Variants in MRPL30 observed in about 807,000 individuals in gnomAD.
The protein encoded by MRPL30 is mitochondrial ribosomal protein L30.
MRPL30 carries 10 observed loss-of-function variants against 17.2 expected under a neutral mutation model. The ratio of observed to expected loss-of-function variants is 0.58; its 90% confidence interval spans 0.36 to 0.99. The LOEUF is 0.99. MRPL30 is among the 50% of genes least tolerant of loss of function. MRPL30 has a pLI of 0.01. For synonymous variants in MRPL30, 61 were observed against 62.1 expected (o/e 0.98, Z 0.08); for missense variants, 170 against 189.8 (o/e 0.90, Z 0.61).
At chr2:99,186,313 C>T in intron 2 of MRPL30, 59 bp downstream of exon 2, 1 of 1,445,188 alleles carries the variant, frequency 6.9e-7, no homozygotes, top group South Asian at 1.2e-5. Flanking sequence ...TTTTTTTAAT[C>T]ATTACAAGGC....
intron 2 of MRPL30, chr2:99,187,035 A>G (rs1429674471): frequency 1.3e-5 from 2 of 152,172 alleles, no homozygotes; most frequent in African/African-American, 2.4e-5. Flanking sequence ...GGCTTTGTAT[A>G]TATTACCTTA....
chr2:99,191,354 G>T (rs1008088301), intron 3 of MRPL30, among the ~76,000 whole-genome samples: 1 of 152,106 alleles, frequency 6.6e-6, no homozygotes, highest in Non-Finnish European at 1.5e-5. Flanking sequence ...TTCTCAACTG[G>T]TTTCTAGACA....
At position 99,197,882 on chromosome 2, in the gene MRPL30, G is replaced by A. The variant is rs960996853; in HGVS notation, c.*2177G>A. 1.3e-5 allele frequency among the ~76,000 whole-genome samples: 2 copies of A among 152,110 alleles called. No homozygotes were observed. The highest frequency in any genetic ancestry group is 4.8e-5 in the African/African-American group (2 of 41,422). On this transcript the variant is annotated 3_prime_UTR_variant, in exon 6 of 6. Transcript: ENST00000338148. ...TGATCTGGAGCTTCTAATCTCAAAT[G>A]ATTCTCCTGCCTCAGCCTCCCAAAG...
intron 3 of MRPL30, among the ~76,000 whole-genome samples, chr2:99,191,583 C>G (rs2093946127): frequency 6.6e-6 from 1 of 152,138 alleles, no homozygotes; most frequent in African/African-American, 2.4e-5. Context: ...TATATTACTG[C>G]CCAGAGTTCC....
chr2:99,184,866 G>A (rs574631148), intron 1 of MRPL30, among the ~76,000 whole-genome samples: 31 of 152,304 alleles, frequency 2.0e-4, no homozygotes, highest in African/African-American at 6.5e-4. Context: ...CACATCACAG[G>A]AAAGACTTGC....
intron 3 of MRPL30, among the ~76,000 whole-genome samples, chr2:99,191,210 C>T (rs940505860): frequency 2.2e-4 from 33 of 151,944 alleles, no homozygotes; most frequent in Non-Finnish European, 8.8e-5. Flanking sequence ...TTTCACCATG[C>T]TGGCCAGGAT....
rs1364097049 is a variant in MRPL30, at chr2:99,197,465, A to G, written c.*1760A>G. On this transcript the variant is annotated 3_prime_UTR_variant, in exon 6 of 6. Coordinates refer to ENST00000338148, the MANE Select transcript of MRPL30 (RefSeq NM_145212.4). Reference sequence around the variant, plus strand: ...AGTTTTAATTCCATAGTTATTGAATATCCAGTGTGTGTAAGGCCTGGAGGG... The same window carrying G: ...AGTTTTAATTCCATAGTTATTGAATGTCCAGTGTGTGTAAGGCCTGGAGGG... 1 of 152,236 alleles carries G rather than the reference A, an allele frequency of 6.6e-6. No homozygotes were observed. The highest frequency in any genetic ancestry group is 1.5e-5 in the Non-Finnish European group (1 of 68,046). 9.4% of individuals were successfully genotyped at this position (152,236 alleles called of 1,614,324 possible).
chr2:99,195,007 T>C, intron 4 of MRPL30, 109 bp from the exon 5 acceptor site: 1 of 1,357,906 alleles, frequency 7.4e-7, no homozygotes, highest in Middle Eastern at 1.9e-4. Context: ...CTTAGGGTAA[T>C]TTATTTATAA....
chr2:99,198,142 G>A lies in MRPL30; in HGVS notation c.*2437G>A, dbSNP rs752431523. Among the ~76,000 whole-genome samples the A allele has an allele frequency of 2.6e-5, 4 of 152,182 alleles. No individual in the cohort carries two copies. The highest frequency in any genetic ancestry group is 4.4e-5 in the Non-Finnish European group (3 of 68,030). ...GTCTTTAGTGAAAATATGGGCATAGGCCAGCAGCATTAGCTTTCTATTGCT... is the reference window on the plus strand; with the variant it reads ...GTCTTTAGTGAAAATATGGGCATAGACCAGCAGCATTAGCTTTCTATTGCT... On this transcript the variant is annotated 3_prime_UTR_variant, in exon 6 of 6. Transcript: ENST00000338148.
intron 3 of MRPL30, among the ~76,000 whole-genome samples, chr2:99,192,306 A>G (rs1173434813): frequency 6.6e-6 from 1 of 152,104 alleles, no homozygotes; most frequent in African/African-American, 2.4e-5. Context: ...TCCGGTATAC[A>G]CGTGCAGATT....
At chr2:99,186,094 T>C in intron 1 of MRPL30, 83 bp from the exon 2 acceptor site, 1 of 832,914 alleles carries the variant, frequency 1.2e-6, no homozygotes, top group Non-Finnish European at 2.0e-6. Flanking sequence ...ATTTGCTGCT[T>C]AGTTTTTTAA....
rs1240336453 is a variant in MRPL30 at position 99,198,167 on chromosome 2, T to G, written c.*2462T>G. Reference sequence around the variant, plus strand: ...GCCAGCAGCATTAGCTTTCTATTGCTGCAGAACAAATTACCACAAACTTAG... The same window carrying G: ...GCCAGCAGCATTAGCTTTCTATTGCGGCAGAACAAATTACCACAAACTTAG... On this transcript the variant is annotated 3_prime_UTR_variant, in exon 6 of 6. Coordinates refer to ENST00000338148, the MANE Select transcript of MRPL30 (RefSeq NM_145212.4). Among the ~76,000 whole-genome samples, 1 of 152,248 alleles carries G rather than the reference T, an allele frequency of 6.6e-6. No homozygotes were observed. The highest frequency in any genetic ancestry group is 1.5e-5 in the Non-Finnish European group (1 of 68,040).
chr2:99,187,580 C>T (rs576834570), intron 2 of MRPL30, among the ~76,000 whole-genome samples: 10 of 152,248 alleles, frequency 6.6e-5, no homozygotes, highest in African/African-American at 2.4e-5. Context: ...AATCCCAGCA[C>T]GTTGGGAGGC....
intron 3 of MRPL30, among the ~76,000 whole-genome samples, chr2:99,191,315 G>A (rs907829360): frequency 2.4e-4 from 36 of 152,136 alleles, no homozygotes; most frequent in African/African-American, 7.9e-4. Context: ...CCTGCCTATC[G>A]TCTGAACTTA....
chr2:99,194,687 AATGGGAG>A (rs1435266655), intron 3 of MRPL30, 57 bp from the exon 4 acceptor site: 2 of 1,439,932 alleles, frequency 1.4e-6, no homozygotes, highest in African/African-American at 2.9e-5. Flanking sequence ...TTTAAGAAAA[AATGGGAG>A]GTACACAGAA....
chr2:99,185,788 T>C, intron 1 of MRPL30: 1 of 451,116 alleles, frequency 2.2e-6, no homozygotes, highest in Non-Finnish European at 4.5e-6. Context: ...ATTCATAAAG[T>C]AAGGATGTGG....
At position 99,194,897 on chromosome 2, in the gene MRPL30, A is replaced by C; in HGVS notation, c.279A>C (p.Lys93Asn). ...TAATAAAGATGCTTGGATTAGAAAA[A>C]GTATGCAATTATTTTAATCATCTTT... ...KDIIKMLGLE[K>N]AHTPQVHKNI... is the part of the protein sequence containing the mutation. The change falls in exon 4 of 6, where the codon AAA becomes AAC. Residue 93 changes from lysine (K) to asparagine (N), a missense_variant and splice_region_variant. Coordinates refer to ENST00000338148, the MANE Select transcript of MRPL30 (RefSeq NM_145212.4). 6.4e-7 allele frequency: 1 copy of C among 1,561,454 alleles called. No individual in the cohort carries two copies. The highest frequency in any genetic ancestry group is 8.6e-7 in the Non-Finnish European group (1 of 1,157,664).
intron 1 of MRPL30, among the ~76,000 whole-genome samples, chr2:99,183,500 C>T (rs959321058): frequency 2.7e-5 from 4 of 149,508 alleles, no homozygotes; most frequent in South Asian, 2.1e-4. Flanking sequence ...ACCCAGGAGG[C>T]GGAGGTTGCA....
rs1329922707 is a variant in MRPL30 at position 99,188,265 on chromosome 2, CAA to C, written c.132+10_132+11del. On this transcript the variant is annotated intron_variant, in intron 3 of 5. Coordinates refer to ENST00000338148, the MANE Select transcript of MRPL30 (RefSeq NM_145212.4). ...TCAAGAATTCCAGAAAAAGTAAGAA[CAA>C]AGTTTGATTTTTTTAATGTTAGTGT... 2.5e-6 allele frequency: 4 copies of C among 1,592,540 alleles called. No homozygotes were observed. Among genetic ancestry groups the C allele is most frequent in the Non-Finnish European group, 3.4e-6 (4 of 1,169,824 alleles).
Sources: allele counts gnomAD v4.1 joint callset (sites outside exome capture counted in the v4.1 genomes callset), GRCh38; gene constraint gnomAD v4.1.1; transcripts MANE v1.5; gene names NCBI Gene and HGNC (gene_info 2026-07-23, HGNC 2026-07-21).